The following ZNF469 variants were observed in gnomAD, a reference collection of about 807,000 sequenced individuals.
ZNF469 encodes zinc finger protein 469.
ZNF469 carries 1 observed loss-of-function variant against 1.0 expected under a neutral mutation model. That is an observed-to-expected ratio of 1.00 (90% CI 0.35 to 4.73). ZNF469 has a LOEUF of 4.73. Ranked by LOEUF, ZNF469 falls within the 30% of genes most tolerant of loss-of-function variation. The pLI is 0.16. For synonymous variants in ZNF469, 2,703 were observed against 2,363.4 expected (o/e 1.14, Z -4.17); for missense variants, 6,100 against 5,356.3 (o/e 1.14, Z -4.33).
chr16:88,171,479 C>T, the ZNF469 span, among the ~76,000 whole-genome samples: 98 of 152,296 alleles, frequency 6.4e-4, no homozygotes, highest in Middle Eastern at 3.4e-3. Flanking sequence ...AAGCAGGAAC[C>T]CTACCTTTCT....
At chr16:88,218,396 T>G in the ZNF469 span, among the ~76,000 whole-genome samples, 2 of 150,704 alleles carry the variant, frequency 1.3e-5, no homozygotes, top group African/African-American at 2.4e-5. Flanking sequence ...GTAGGTTGCC[T>G]GTTCACTCTG....
the ZNF469 span, among the ~76,000 whole-genome samples, chr16:88,274,648 G>A: frequency 6.6e-6 from 1 of 152,332 alleles, no homozygotes; most frequent in South Asian, 2.1e-4. Context: ...AGGCCGTGGG[G>A]GTGTGCTTGC....
At chr16:88,409,867 G>GA (rs1341066366) in intron 1 of ZNF469, among the ~76,000 whole-genome samples, 1 of 242 alleles carries the variant, frequency 4.1e-3, no homozygotes, top group African/African-American at 5.0e-3. Flanking sequence ...CATCTTGGCC[G>GA]GGGGGGGGGG....
the ZNF469 span, among the ~76,000 whole-genome samples, chr16:88,102,900 T>C: frequency 6.6e-6 from 1 of 152,252 alleles, no homozygotes; most frequent in Non-Finnish European, 1.5e-5. Flanking sequence ...AGAATGCATG[T>C]GCTCATGGCT....
the ZNF469 span, among the ~76,000 whole-genome samples, chr16:88,151,296 G>A: frequency 6.6e-6 from 1 of 152,244 alleles, no homozygotes; most frequent in African/African-American, 2.4e-5. The surrounding 1 kb of genome is among the most constrained non-coding windows in gnomAD (Gnocchi z 5.4). Flanking sequence ...CGCGGGCCGT[G>A]GTCAGCCAGG....
At chr16:88,286,959 G>C in the ZNF469 span, among the ~76,000 whole-genome samples, 4 of 152,220 alleles carry the variant, frequency 2.6e-5, no homozygotes, top group Admixed American at 6.5e-5. Context: ...GAGACCATCT[G>C]ACTACAGCAG....
At chr16:88,168,998 G>A in the ZNF469 span, among the ~76,000 whole-genome samples, 2 of 152,146 alleles carry the variant, frequency 1.3e-5, no homozygotes, top group African/African-American at 2.4e-5. The surrounding 1 kb of genome is among the most constrained non-coding windows in gnomAD (Gnocchi z 4.3). Flanking sequence ...TAGGGAGGAC[G>A]CCATCTGGAA....
chr16:88,175,013 G>C, the ZNF469 span, among the ~76,000 whole-genome samples: 8 of 151,994 alleles, frequency 5.3e-5, no homozygotes, highest in Non-Finnish European at 1.2e-4. Context: ...TGTGAACATG[G>C]GCTGACATGA....
Position 88,432,066 on chromosome 16 carries a change from G to C in ZNF469, c.4596G>C (p.Arg1532=). The stretch of plus-strand genomic sequence containing the variant: ...TCAGTAAGACGTGTCCCCCTGAACG[G>C]ACAGTGGTTCCCGGCGCCGCCCCAT... ...KVLSKTCPPE[R]TVVPGAAPSL... The change falls in exon 3 of 3, where the codon CGG becomes CGC. Residue 1532 remains arginine, a synonymous_variant. Transcript: ENST00000565624. The C allele has an allele frequency of 1.3e-6, 2 of 1,550,536 alleles. No homozygotes were observed. Among genetic ancestry groups the C allele is most frequent in the Non-Finnish European group, 1.7e-6 (2 of 1,146,996 alleles).
the ZNF469 span, among the ~76,000 whole-genome samples, chr16:88,185,090 C>A: frequency 2.6e-3 from 146 of 55,768 alleles, 1 homozygote; most frequent in African/African-American, 5.9e-3. Flanking sequence ...CACACCTAGA[C>A]ATGGGTACTC....
At chr16:88,237,691 C>A in the ZNF469 span, among the ~76,000 whole-genome samples, 1 of 40,572 alleles carries the variant, frequency 2.5e-5, no homozygotes, top group African/African-American at 7.8e-5. Context: ...CCCTCCCTGC[C>A]CTCTGTGCTC....
the ZNF469 span, among the ~76,000 whole-genome samples, chr16:88,156,559 G>T: frequency 6.6e-6 from 1 of 152,210 alleles, no homozygotes; most frequent in African/African-American, 2.4e-5. Context: ...AAGTTGAAGC[G>T]TTAGATTTAT....
chr16:88,152,798 G>A, the ZNF469 span, among the ~76,000 whole-genome samples: 7 of 152,154 alleles, frequency 4.6e-5, no homozygotes, highest in African/African-American at 9.7e-5. The surrounding 1 kb of genome is among the most constrained non-coding windows in gnomAD (Gnocchi z 4.2). Flanking sequence ...CAGGGAGGCC[G>A]CAGCCAGGGT....
At chr16:88,224,211 C>T in the ZNF469 span, among the ~76,000 whole-genome samples, 6 of 152,308 alleles carry the variant, frequency 3.9e-5, no homozygotes, top group East Asian at 1.9e-4. Flanking sequence ...GGAAGACACG[C>T]GGCCACACAC....
chr16:88,322,750 A>G, the ZNF469 span, among the ~76,000 whole-genome samples: 2 of 151,698 alleles, frequency 1.3e-5, no homozygotes, highest in Non-Finnish European at 1.5e-5. Context: ...CCGAATAACC[A>G]CTCCAGGCCC....
the ZNF469 span, among the ~76,000 whole-genome samples, chr16:88,360,415 C>T: frequency 1.8e-4 from 27 of 152,252 alleles, no homozygotes; most frequent in South Asian, 1.2e-3. Flanking sequence ...AACCTGCCAA[C>T]GTGCAGAAGA....
Position 88,438,568 on chromosome 16 carries a change from A to C in ZNF469, c.11098A>C (p.Arg3700=). ...SKALKFPVHP[R]KAVGSLAPGE... is the part of the protein sequence containing the mutation. Reference sequence around the variant, plus strand: ...AGCACTCAAGTTCCCAGTGCACCCAAGGAAGGCGGTGGGGAGCCTGGCACC... The same window carrying C: ...AGCACTCAAGTTCCCAGTGCACCCACGGAAGGCGGTGGGGAGCCTGGCACC... The change falls in exon 3 of 3, where the codon AGG becomes CGG. Residue 3700 remains arginine, a synonymous_variant. Coordinates refer to ENST00000565624, the MANE Select transcript of ZNF469 (RefSeq NM_001367624.2). 6.5e-7 allele frequency: 1 copy of C among 1,550,126 alleles called. No homozygotes were observed. The highest frequency in any genetic ancestry group is 8.7e-7 in the Non-Finnish European group (1 of 1,146,946).
intron 1 of ZNF469, among the ~76,000 whole-genome samples, chr16:88,418,146 C>T (rs1387746904): frequency 6.6e-6 from 1 of 152,220 alleles, no homozygotes; most frequent in African/African-American, 2.4e-5. Context: ...AGGATGGGGG[C>T]AAGCAGAAGA....
the ZNF469 span, among the ~76,000 whole-genome samples, chr16:88,158,530 C>T: frequency 6.8e-6 from 1 of 147,228 alleles, no homozygotes; most frequent in Non-Finnish European, 1.5e-5. Context: ...ATGCCTGCCT[C>T]TGCGCAGAAG....
Sources: gnomAD v4.1 joint callset for allele counts (sites outside exome capture counted in the v4.1 genomes callset) on GRCh38, gnomAD v4.1.1 for gene constraint, Gnocchi (gnomAD v3.1) non-coding constraint, MANE v1.5 for transcripts, NCBI Gene and HGNC (gene_info 2026-07-23, HGNC 2026-07-21) for gene names.